Variants in FREM2 observed in about 807,000 individuals in gnomAD.
The protein encoded by FREM2 is FRAS1 related extracellular matrix 2.
A neutral mutation model predicts 219.9 loss-of-function variants in FREM2; 119 were observed. The ratio of observed to expected loss-of-function variants is 0.54; its 90% confidence interval spans 0.47 to 0.63. The LOEUF (loss-of-function observed/expected upper bound fraction) is 0.63. FREM2 is among the 30% of genes least tolerant of loss of function. The probability of loss-of-function intolerance (pLI) is 0.00; values close to 1 mark genes in which losing one functional copy is unlikely to be tolerated. For synonymous variants in FREM2, 1,562 were observed against 1,522.8 expected (o/e 1.03, Z -0.60); for missense variants, 4,030 against 3,993.6 (o/e 1.01, Z -0.25).
In FREM2 at chr13:38,866,886, T is replaced by G. The variant is rs141802208; in HGVS notation, c.7983+2280T>G. 4.1e-3 allele frequency among the ~76,000 whole-genome samples: 618 copies of G among 152,330 alleles called. 3 individuals are homozygous for G. Among genetic ancestry groups the G allele is most frequent in the Admixed American group, 0.011 (164 of 15,296 alleles). On this transcript the variant is annotated intron_variant, in intron 16 of 23. Coordinates refer to ENST00000280481, the MANE Select transcript of FREM2 (RefSeq NM_207361.6). ...TTTATCCTATTATATCTGTCCACTT[T>G]TTTAATGTAGCAAGGCTGTTTTATT...
At chr13:38,735,561 A>G (rs749502932) in intron 2 of FREM2, among the ~76,000 whole-genome samples, 2 of 152,220 alleles carry the variant, frequency 1.3e-5, no homozygotes, top group Non-Finnish European at 2.9e-5. Flanking sequence ...ATTACTTTTT[A>G]TCATCACAGC....
At chr13:38,819,434 C>T (rs1158878898) in intron 6 of FREM2, among the ~76,000 whole-genome samples, 2 of 152,116 alleles carry the variant, frequency 1.3e-5, no homozygotes, top group African/African-American at 4.8e-5. Context: ...AATGACCTTT[C>T]TCCCCACAAG....
At chr13:38,777,075 T>C (rs1422409506) in intron 4 of FREM2, among the ~76,000 whole-genome samples, 1 of 151,708 alleles carries the variant, frequency 6.6e-6, no homozygotes, top group African/African-American at 2.4e-5. Context: ...ACTATATACT[T>C]TATATACTTT....
chr13:38,821,555 C>CT (rs1182584705), intron 6 of FREM2: 1 of 151,820 alleles, frequency 6.6e-6, no homozygotes, highest in Non-Finnish European at 1.5e-5. Flanking sequence ...CTTTTTTTCT[C>CT]TTTTTTCTAA....
intron 6 of FREM2, among the ~76,000 whole-genome samples, chr13:38,833,896 C>T (rs1876605905): frequency 6.6e-6 from 1 of 152,096 alleles, no homozygotes; most frequent in South Asian, 2.1e-4. Context: ...CTATGATGTT[C>T]TGCTTCATTT....
At position 38,783,202 on chromosome 13, in the gene FREM2, C is replaced by T. The variant is rs774983268; in HGVS notation, c.5767+7C>T. ...GTCTGTTATACCCAACAAGGTAGCT[C>T]GATTTGCCGAAAAACTAAGATAACC... On this transcript the variant is annotated splice_region_variant and intron_variant, in intron 5 of 23. Coordinates refer to ENST00000280481, the MANE Select transcript of FREM2 (RefSeq NM_207361.6). 6.2e-6 allele frequency: 10 copies of T among 1,613,712 alleles called. No homozygotes were observed. Among genetic ancestry groups the T allele is most frequent in the Middle Eastern group, 1.6e-4 (1 of 6,080 alleles).
chr13:38,690,592 G>C lies in FREM2; in HGVS notation c.3248G>C (p.Ser1083Thr). 1.9e-6 allele frequency: 3 copies of C among 1,614,090 alleles called. No individual in the cohort carries two copies. Among genetic ancestry groups the C allele is most frequent in the Non-Finnish European group, 2.5e-6 (3 of 1,180,040 alleles). ...TTGATAGTAATGGAAGGTGATAAAA[G>C]TGTTATAACATCAGTGCATATAAGT... ...EQLIVMEGDK[S>T]VITSVHISAE... is the part of the protein sequence containing the mutation. Residue 1083 changes from serine to threonine, a missense_variant, in exon 1 of 24, where the codon AGT (serine) becomes ACT (threonine). Transcript: ENST00000280481.
At position 38,880,996 on chromosome 13, in the gene FREM2, A is replaced by G. The variant is rs114643949; in HGVS notation, c.*209A>G. ...ATTAAGGCATCTTTCCTCTTGCCCC[A>G]AAGGCAGCAACAACGTACTCATATG... On this transcript the variant is annotated 3_prime_UTR_variant, in exon 24 of 24. Transcript: ENST00000280481. 1,842 of 646,708 alleles carry G rather than the reference A, an allele frequency of 2.8e-3. 34 individuals carry two copies. The African/African-American group carries it at 0.03, about 10-fold the overall frequency. The allele number at this position is 646,708 out of a possible 1,614,324, so 40.1% of individuals were successfully genotyped here.
At chr13:38,833,575 T>C (rs1464826075) in intron 6 of FREM2, among the ~76,000 whole-genome samples, 1 of 152,188 alleles carries the variant, frequency 6.6e-6, no homozygotes, top group Non-Finnish European at 1.5e-5. Context: ...TCCTTACTGT[T>C]ATCTCAATTT....
intron 4 of FREM2, among the ~76,000 whole-genome samples, chr13:38,770,172 TTA>T (rs1200256933): frequency 6.8e-6 from 1 of 147,966 alleles, no homozygotes; most frequent in Non-Finnish European, 1.5e-5. Context: ...TTATATAATT[TTA>T]TATATAAATT....
chr13:38,689,825 C>T lies in FREM2; in HGVS notation c.2481C>T (p.Asn827=), dbSNP rs1405102058. 1 of 1,614,124 alleles carries T rather than the reference C, an allele frequency of 6.2e-7. No homozygotes were observed. Among genetic ancestry groups the T allele is most frequent in the East Asian group, 2.2e-5 (1 of 44,870 alleles). The part of the protein sequence containing the change: ...TFTLYLHPVD[N]QPPEILNTGF... The stretch of plus-strand genomic sequence containing the variant: ...CCCTTTACTTGCATCCCGTGGACAA[C>T]CAGCCACCTGAGATCCTCAACACCG... The change falls in exon 1 of 24, where the codon AAC becomes AAT. Residue 827 remains asparagine, a synonymous_variant. Coordinates refer to ENST00000280481, the MANE Select transcript of FREM2 (RefSeq NM_207361.6).
chr13:38,799,873 G>A (rs1012574720), intron 6 of FREM2, among the ~76,000 whole-genome samples: 1 of 151,976 alleles, frequency 6.6e-6, no homozygotes, highest in African/African-American at 2.4e-5. Flanking sequence ...TGAAGGTAAA[G>A]TGCATTTCTT....
At position 38,764,285 on chromosome 13, in the gene FREM2, T is replaced by A; in HGVS notation, c.5264-19T>A. The A allele has an allele frequency of 6.3e-7, 1 of 1,597,132 alleles. No individual in the cohort carries two copies. The highest frequency in any genetic ancestry group is 1.1e-5 in the South Asian group (1 of 90,418). Reference sequence around the variant, plus strand: ...TTCAAGAAAGCACTAATTTATGGCTTTAAATTTTTATTTTCAAGGTGGAAA... The same window carrying A: ...TTCAAGAAAGCACTAATTTATGGCTATAAATTTTTATTTTCAAGGTGGAAA... On this transcript the variant is annotated intron_variant, in intron 2 of 23. Coordinates refer to ENST00000280481, the MANE Select transcript of FREM2 (RefSeq NM_207361.6).
chr13:38,846,482 A>T, intron 6 of FREM2, 91 bp from the exon 7 acceptor site: 2 of 1,351,054 alleles, frequency 1.5e-6, no homozygotes, highest in Non-Finnish European at 2.1e-6. Context: ...AGTCCCTAAG[A>T]GGAAGCACAC....
rs181061028 is a variant in FREM2 at position 38,791,925 on chromosome 13, C to T, written c.6019+7117C>T. ...ATTTCCTCCCTCATGTCTTCATCTA[C>T]TTTTATCATACTGTAGCAAACCCTA... On this transcript the variant is annotated intron_variant, in intron 6 of 23. Transcript: ENST00000280481. Among the ~76,000 whole-genome samples, 409 of 152,280 alleles carry T rather than the reference C, an allele frequency of 2.7e-3. 3 individuals carry two copies. The highest frequency in any genetic ancestry group is 9.3e-3 in the African/African-American group (388 of 41,578).
intron 12 of FREM2, among the ~76,000 whole-genome samples, chr13:38,856,755 T>TTTTTTTTTTTTTTTTTTTG (rs1389495819): frequency 6.6e-6 from 1 of 151,370 alleles, no homozygotes; most frequent in African/African-American, 2.5e-5. Flanking sequence ...TCTTGTTTTC[T>TTTTTTTTTTTTTTTTTTTG]ATACTTACTT....
At chr13:38,795,490 A>G (rs1322725631) in intron 6 of FREM2, among the ~76,000 whole-genome samples, 1 of 152,050 alleles carries the variant, frequency 6.6e-6, no homozygotes, top group Non-Finnish European at 1.5e-5. Flanking sequence ...TATGAGGTAC[A>G]TGTGAGTATT....
intron 16 of FREM2, among the ~76,000 whole-genome samples, chr13:38,867,822 T>C (rs1878026404): frequency 6.6e-6 from 1 of 152,248 alleles, no homozygotes; most frequent in Non-Finnish European, 1.5e-5. Flanking sequence ...ATTTTTGTCC[T>C]TTTCTTTTCC....
intron 11 of FREM2, among the ~76,000 whole-genome samples, chr13:38,852,678 T>C (rs1177825603): frequency 6.6e-6 from 1 of 151,872 alleles, no homozygotes; most frequent in African/African-American, 2.4e-5. Context: ...CCCTCTCCTT[T>C]TGCAAATGTT....
Sources: gnomAD v4.1 joint callset for allele counts (sites outside exome capture counted in the v4.1 genomes callset) on GRCh38, gnomAD v4.1.1 for gene constraint, MANE v1.5 for transcripts, NCBI Gene and HGNC (gene_info 2026-07-23, HGNC 2026-07-21) for gene names.